LSR: variants seen among roughly 807,000 people sequenced by gnomAD.
LSR encodes the protein lipolysis stimulated lipoprotein receptor, also known as lipolysis-stimulated lipoprotein receptor.
A neutral mutation model predicts 61.8 loss-of-function variants in LSR; 44 were observed. The ratio of observed to expected loss-of-function variants is 0.71; its 90% CI spans 0.56 to 0.91. LSR has a LOEUF of 0.91. Among genes scored for constraint, LSR ranks in the 40% least tolerant of loss-of-function variants. The pLI is 0.00. For missense variants in LSR, 911 were observed against 830.5 expected (o/e 1.10, Z -1.19); for synonymous variants, 397 against 350.6 (o/e 1.13, Z -1.48).
At position 35,267,214 on chromosome 19, in the gene LSR, C is replaced by A; in HGVS notation, c.1250C>A (p.Pro417His). The A allele has an allele frequency of 6.6e-7, 1 of 1,522,178 alleles. No homozygotes were observed. The allele number at this position is 1,522,178 out of a possible 1,614,324, so 94.3% of individuals were successfully genotyped here. The change falls in exon 9 of 10, where the codon CCC becomes CAC. Residue 417 changes from proline to histidine, a missense_variant. Coordinates refer to ENST00000605618, the MANE Select transcript of LSR (RefSeq NM_205834.4). Reference sequence around the variant, plus strand: ...GATGAGGAGTGGGGTGGCCACTCCCCCCGGAGTCCCAGGGGATGGGACCAG... The same window carrying A: ...GATGAGGAGTGGGGTGGCCACTCCCACCGGAGTCCCAGGGGATGGGACCAG... ...IRDEEWGGHS[P>H]RSPRGWDQEP...
chr19:35,250,276 G>T (rs1466962208), intron 1 of LSR, 39 bp from the exon 2 acceptor site: 5 of 1,410,070 alleles, frequency 3.5e-6, no homozygotes, highest in Non-Finnish European at 4.8e-6. Context: ...ACCTCCCTGA[G>T]CTCACAGCAA....
At position 35,258,941 on chromosome 19, in the gene LSR, T is replaced by C. The variant is rs771827771; in HGVS notation, c.455-4T>C. ...TGCCCTCACGCCTTTTCATCCCGACTCAGATGCTGACCTGACCTTTGACCA... is the reference window on the plus strand; with the variant it reads ...TGCCCTCACGCCTTTTCATCCCGACCCAGATGCTGACCTGACCTTTGACCA... On this transcript the variant is annotated splice_region_variant and splice_polypyrimidine_tract_variant and intron_variant, in intron 2 of 9. Coordinates refer to ENST00000605618, the MANE Select transcript of LSR (RefSeq NM_205834.4). 6.2e-7 allele frequency: 1 copy of C among 1,613,780 alleles called. No individual in the cohort carries two copies. Among genetic ancestry groups the C allele is most frequent in the Non-Finnish European group, 8.5e-7 (1 of 1,179,906 alleles).
rs1241135809 is a variant in LSR at position 35,250,450 on chromosome 19, CTT to C, written c.247_248del (p.Phe83LeufsTer34). The C allele has an allele frequency of 5.6e-6, 9 of 1,614,074 alleles. No individual in the cohort carries two copies. The highest frequency in any genetic ancestry group is 7.6e-6 in the Non-Finnish European group (9 of 1,179,992). On this transcript the variant is annotated frameshift_variant, in exon 2 of 10. Coordinates refer to ENST00000605618, the MANE Select transcript of LSR (RefSeq NM_205834.4). LOFTEE classifies it high-confidence loss of function. Reference sequence around the variant, plus strand: ...CCCATCGTCATCTGGAAGTACAAGTCTTTCTGCCGGGACCGCATCGCCGATGC... The same window carrying C: ...CCCATCGTCATCTGGAAGTACAAGTCTCTGCCGGGACCGCATCGCCGATGC...
In LSR at chr19:35,255,311, C is replaced by T. The variant is rs148490787; in HGVS notation, c.455-3634C>T. On this transcript the variant is annotated intron_variant, in intron 2 of 9. Transcript: ENST00000605618. ...CTCCAGCCTGGGCGACCAAGCTAGG[C>T]CCTCTCAAAAAAGATACAGGTGGAA... 8.1e-3 allele frequency among the ~76,000 whole-genome samples: 1,229 copies of T among 152,154 alleles called. 17 individuals carry two copies. The highest frequency in any genetic ancestry group is 0.028 in the African/African-American group (1,174 of 41,498).
Position 35,262,569 on chromosome 19 carries a change from T to C in LSR, c.655T>C (p.Cys219Arg). Residue 219 changes from cysteine to arginine, a missense_variant, in exon 5 of 10, where the codon TGC (cysteine) becomes CGC (arginine). Transcript: ENST00000605618. The part of the protein sequence containing the change: ...IEDWLFVVVV[C>R]LAAFLIFLLL... The stretch of plus-strand genomic sequence containing the variant: ...AGACTGGCTCTTCGTGGTTGTGGTA[T>C]GCCTGGCTGCCTTCCTCATCTTCCT... 6.2e-7 allele frequency: 1 copy of C among 1,614,230 alleles called. No individual in the cohort carries two copies. The highest frequency in any genetic ancestry group is 8.5e-7 in the Non-Finnish European group (1 of 1,180,028).
At position 35,262,003 on chromosome 19, in the gene LSR, T is replaced by G. The variant is rs750194483; in HGVS notation, c.631+22T>G. ...GAAGGTACGGGGGGTGGATCCTGAG[T>G]TGGGCTTCTCGGGAGCTCCCATACA... On this transcript the variant is annotated intron_variant, in intron 4 of 9. Coordinates refer to ENST00000605618, the MANE Select transcript of LSR (RefSeq NM_205834.4). 3.9e-6 allele frequency: 6 copies of G among 1,521,008 alleles called. No individual in the cohort carries two copies. In the Admixed American group the frequency reaches 1.6e-4, roughly 39 times the overall value. 94.2% of individuals were successfully genotyped at this position (1,521,008 alleles called of 1,614,324 possible). A position where few individuals can be genotyped will look rare whatever the true frequency, so the allele number is the denominator to read the frequency against.
At chr19:35,255,326 T>C (rs1410567013) in intron 2 of LSR, among the ~76,000 whole-genome samples, 1 of 151,956 alleles carries the variant, frequency 6.6e-6, no homozygotes, top group Admixed American at 6.6e-5. Flanking sequence ...TCAAAAAAGA[T>C]ACAGGTGGAA....
In LSR at chr19:35,263,807, C is replaced by CA. The variant is rs200520901; in HGVS notation, c.778+1118dup. Among the ~76,000 whole-genome samples the CA allele has an allele frequency of 8.1e-4, 122 of 151,142 alleles. 2 individuals are homozygous for CA. The South Asian group carries it at 0.017, about 21-fold the overall frequency. On this transcript the variant is annotated intron_variant, in intron 5 of 9. Transcript: ENST00000605618. Reference sequence around the variant, plus strand: ...TACCACACCTGGCCTTAAACTTAAGCAAATTTTTTTTTTTTTTTGGAGACA... The same window carrying CA: ...TACCACACCTGGCCTTAAACTTAAGCAAAATTTTTTTTTTTTTTTGGAGACA...
At chr19:35,264,283 A>C (rs1466937482) in intron 5 of LSR, 1 of 152,106 alleles carries the variant, frequency 6.6e-6, no homozygotes, top group Non-Finnish European at 1.5e-5. Flanking sequence ...AAGCAGGGGA[A>C]GGTAAGAGAA....
At chr19:35,263,121 A>C (rs568460404) in intron 5 of LSR, 160 of 156,626 alleles carry the variant, frequency 1.0e-3, no homozygotes, top group Non-Finnish European at 1.9e-3. Flanking sequence ...TCTCTACTAA[A>C]AATACAAAAA....
chr19:35,258,606 A>G (rs2065884617), intron 2 of LSR, among the ~76,000 whole-genome samples: 1 of 151,820 alleles, frequency 6.6e-6, no homozygotes, highest in Admixed American at 6.6e-5. Context: ...CCCTGTCTCT[A>G]AAGAAAGAAA....
chr19:35,265,083 T>C (rs1178432039), intron 5 of LSR, among the ~76,000 whole-genome samples: 1 of 152,214 alleles, frequency 6.6e-6, no homozygotes, highest in African/African-American at 2.4e-5. Flanking sequence ...ACCTGGTTCC[T>C]CAAAGGATCA....
chr19:35,267,274 G>A lies in LSR; in HGVS notation c.1310G>A (p.Arg437Gln), dbSNP rs1039343195. The change falls in exon 9 of 10, where the codon CGG becomes CAG. Residue 437 changes from arginine to glutamine, a missense_variant. Arg to Gln is a conservative substitution (Grantham distance 43, BLOSUM62 1). Coordinates refer to ENST00000605618, the MANE Select transcript of LSR (RefSeq NM_205834.4). ...AGGGAGCAGGCAGGCGGGGGCTGGC[G>A]GGCCAGGCGGCCCCGGGCCCGCTCC... ...PAREQAGGGW[R>Q]ARRPRARSVD... The A allele has an allele frequency of 1.3e-6, 2 of 1,515,836 alleles. No homozygotes were observed. The allele number at this position is 1,515,836 out of a possible 1,614,324, so 93.9% of individuals were successfully genotyped here.
At chr19:35,259,300 G>C (rs749448371) in intron 3 of LSR, 7 of 415,524 alleles carry the variant, frequency 1.7e-5, no homozygotes, top group South Asian at 1.5e-4. Flanking sequence ...GAAGAGTGGA[G>C]ACAATTGGAG....
In LSR at chr19:35,266,817, A is replaced by G; in HGVS notation, c.1013-19A>G. Reference sequence around the variant, plus strand: ...CAGGATCCATCCTCCCAAACCGACCACCACCCCCCTGTCCCTAGAAGTCCG... The same window carrying G: ...CAGGATCCATCCTCCCAAACCGACCGCCACCCCCCTGTCCCTAGAAGTCCG... On this transcript the variant is annotated intron_variant, in intron 7 of 9. Transcript: ENST00000605618. The G allele has an allele frequency of 6.2e-7, 1 of 1,606,594 alleles. No individual in the cohort carries two copies. The highest frequency in any genetic ancestry group is 8.5e-7 in the Non-Finnish European group (1 of 1,176,228).
chr19:35,249,261 C>T (rs993877207), intron 1 of LSR, 130 bp downstream of exon 1: 71 of 1,161,678 alleles, frequency 6.1e-5, no homozygotes, highest in Non-Finnish European at 7.0e-5. Context: ...TCCCCTGGGT[C>T]TTGGGCGATC....
chr19:35,255,208 C>G (rs1280739084), intron 2 of LSR, among the ~76,000 whole-genome samples: 2 of 152,010 alleles, frequency 1.3e-5, no homozygotes, highest in Non-Finnish European at 2.9e-5. Context: ...TGATGGCACA[C>G]CCTGCTACTC....
At chr19:35,266,602 T>A in intron 6 of LSR, 70 bp downstream of exon 6, 1 of 1,602,018 alleles carries the variant, frequency 6.2e-7, no homozygotes, top group Non-Finnish European at 8.5e-7. Context: ...GGGCAGGGGC[T>A]GGAAGGAAGA....
Position 35,250,415 on chromosome 19 carries a change from C to A in LSR, c.210C>A (p.Thr70=). 1 of 1,613,904 alleles carries A rather than the reference C, an allele frequency of 6.2e-7. No individual in the cohort carries two copies. The highest frequency in any genetic ancestry group is 8.5e-7 in the Non-Finnish European group (1 of 1,179,928). Residue 70 remains threonine (T), a synonymous_variant, in exon 2 of 10, where the codon ACC becomes ACA. Coordinates refer to ENST00000605618, the MANE Select transcript of LSR (RefSeq NM_205834.4). ...TLPCTYQMTS[T]PTQPIVIWKY... ...CCTGTACCTACCAGATGACCTCGAC[C>A]CCCACGCAACCCATCGTCATCTGGA...
Sources: gnomAD v4.1 joint callset for allele counts (sites outside exome capture counted in the v4.1 genomes callset) on GRCh38, gnomAD v4.1.1 for gene constraint, MANE v1.5 for transcripts, NCBI Gene and HGNC (gene_info 2026-07-23, HGNC 2026-07-21) for gene names.